Variants in COL27A1 observed in about 807,000 individuals in gnomAD.
The protein encoded by COL27A1 is collagen alpha-1(XXVII) chain.
Under a neutral mutation model 251.3 loss-of-function variants are expected in COL27A1, and 106 were observed. The ratio of observed to expected loss-of-function variants is 0.42; its 90% confidence interval spans 0.36 to 0.50. COL27A1 has a LOEUF of 0.50. Among genes scored for constraint, COL27A1 ranks in the 20% least tolerant of loss-of-function variants. COL27A1 has a pLI of 0.00. For synonymous variants in COL27A1, 1,000 were observed against 986.3 expected (o/e 1.01, Z -0.26); for missense variants, 2,325 against 2,522.8 (o/e 0.92, Z 1.68).
At chr9:114,293,565 G>T (rs1216319317) in intron 49 of COL27A1, among the ~76,000 whole-genome samples, 1 of 145,440 alleles carries the variant, frequency 6.9e-6, no homozygotes, top group Non-Finnish European at 1.5e-5. Context: ...AAAAAAAAAG[G>T]AAAATCAAAA....
intron 12 of COL27A1, among the ~76,000 whole-genome samples, chr9:114,217,552 C>T (rs531240578): frequency 6.6e-6 from 1 of 152,370 alleles, no homozygotes; most frequent in South Asian, 2.1e-4. Flanking sequence ...CACCTCCAAC[C>T]TGAGCAGGAC....
At chr9:114,176,064 C>T (rs1473671031) in intron 3 of COL27A1, among the ~76,000 whole-genome samples, 5 of 152,214 alleles carry the variant, frequency 3.3e-5, no homozygotes, top group Admixed American at 3.3e-4. Context: ...GGTAGGAGAA[C>T]AGGTCCAGTG....
intron 2 of COL27A1, among the ~76,000 whole-genome samples, chr9:114,165,061 G>C (rs985030557): frequency 3.3e-5 from 5 of 152,144 alleles, no homozygotes; most frequent in African/African-American, 1.2e-4. Flanking sequence ...ACTCAATGTG[G>C]GGCTTGGGTG....
intron 41 of COL27A1, among the ~76,000 whole-genome samples, chr9:114,287,366 G>A (rs576674298): frequency 2.8e-4 from 43 of 152,254 alleles, no homozygotes; most frequent in African/African-American, 8.7e-4. Flanking sequence ...GGAGTCTTCT[G>A]AGCCCTGAGA....
At position 114,311,382 on chromosome 9, in the gene COL27A1, A is replaced by T. The variant is rs1829436622; in HGVS notation, c.*687A>T. 6.6e-6 allele frequency: 1 copy of T among 151,720 alleles called. No homozygotes were observed. Among genetic ancestry groups the T allele is most frequent in the Admixed American group, 6.6e-5 (1 of 15,242 alleles). 9.4% of individuals were successfully genotyped at this position (151,720 alleles called of 1,614,324 possible). On this transcript the variant is annotated 3_prime_UTR_variant, in exon 61 of 61. Coordinates refer to ENST00000356083, the MANE Select transcript of COL27A1 (RefSeq NM_032888.4). ...CCCTATTTAAGATTCTGAAGGTGCTACCATTATTTTGCCACAGACTTTGAA... is the reference window on the plus strand; with the variant it reads ...CCCTATTTAAGATTCTGAAGGTGCTTCCATTATTTTGCCACAGACTTTGAA...
At chr9:114,243,428 G>A (rs1213122192) in intron 22 of COL27A1, 79 bp from the exon 23 acceptor site, 1 of 1,179,192 alleles carries the variant, frequency 8.5e-7, no homozygotes. Flanking sequence ...GATACCCTGT[G>A]CCAGGCCCTT....
chr9:114,277,127 G>T (rs1013319230), intron 37 of COL27A1, among the ~76,000 whole-genome samples: 1 of 152,122 alleles, frequency 6.6e-6, no homozygotes, highest in African/African-American at 2.4e-5. Context: ...TTTGAGTGTC[G>T]CAAATACTGG....
chr9:114,271,342 A>G (rs957659146), intron 36 of COL27A1: 3 of 155,960 alleles, frequency 1.9e-5, no homozygotes, highest in African/African-American at 7.2e-5. Flanking sequence ...CACATCCAGG[A>G]CCCAAATCTG....
rs754557093 is a variant in COL27A1, at chr9:114,242,259, G to A, written c.2880+28G>A. 12 of 1,597,566 alleles carry A rather than the reference G, an allele frequency of 7.5e-6. No individual in the cohort carries two copies. In the East Asian group the frequency reaches 2.3e-4, roughly 30 times the overall value. Reference sequence around the variant, plus strand: ...GAGTGTCACTGGCCTGGGGTAGGTGGCATTCATGGGAGCTGAGCCAGCTGT... The same window carrying A: ...GAGTGTCACTGGCCTGGGGTAGGTGACATTCATGGGAGCTGAGCCAGCTGT... On this transcript the variant is annotated intron_variant, in intron 22 of 60. Transcript: ENST00000356083.
At chr9:114,209,642 G>A in intron 10 of COL27A1, 33 bp from the exon 11 acceptor site, 3 of 1,612,380 alleles carry the variant, frequency 1.9e-6, no homozygotes, top group Non-Finnish European at 2.5e-6. Flanking sequence ...CTCACTGCTT[G>A]ACCGCTCTGA....
intron 10 of COL27A1, among the ~76,000 whole-genome samples, chr9:114,207,910 C>T (rs1452814353): frequency 6.6e-6 from 1 of 152,196 alleles, no homozygotes; most frequent in African/African-American, 2.4e-5. Context: ...TGGATGCCAA[C>T]GAGGAGGCTC....
Position 114,168,567 on chromosome 9 carries a change from C to T in COL27A1, c.1012C>T (p.Pro338Ser). The change falls in exon 3 of 61, where the codon CCA becomes TCA. Residue 338 changes from proline to serine, a missense_variant. Pro to Ser is a moderately conservative substitution (Grantham distance 74, BLOSUM62 -1). This residue lies in a region of COL27A1 where 1,183 missense variants were observed against 1,144.1 expected (regional missense o/e 1.03). Transcript: ENST00000356083. ...SASNALDPMLPASVGGSTRTP... is the reference protein window; with the variant it reads ...SASNALDPMLSASVGGSTRTP... ...CAGTAACGCACTTGATCCCATGCTC[C>T]CAGCCTCTGTTGGCGGCTCTACCAG... 1 of 1,614,154 alleles carries T rather than the reference C, an allele frequency of 6.2e-7. No individual in the cohort carries two copies. Among genetic ancestry groups the T allele is most frequent in the Non-Finnish European group, 8.5e-7 (1 of 1,179,992 alleles).
intron 35 of COL27A1, among the ~76,000 whole-genome samples, chr9:114,269,876 C>G (rs1377080401): frequency 1.3e-5 from 2 of 152,124 alleles, no homozygotes; most frequent in African/African-American, 4.8e-5. Context: ...ACCTGACGGC[C>G]CCTGAGGCCC....
chr9:114,243,447 T>C, intron 22 of COL27A1, 60 bp from the exon 23 acceptor site: 1 of 1,469,170 alleles, frequency 6.8e-7, no homozygotes, highest in Non-Finnish European at 9.5e-7. Context: ...TTGGAGCCCC[T>C]GGACCCCAGC....
Position 114,265,054 on chromosome 9 carries a change from A to G in COL27A1, c.3295-12A>G, listed in dbSNP as rs771281601. The G allele has an allele frequency of 3.7e-6, 6 of 1,606,228 alleles. No individual in the cohort carries two copies. The African/African-American group carries it at 5.4e-5, about 14-fold the overall frequency. The stretch of plus-strand genomic sequence containing the variant: ...GATCTGAGCCTGTAATGACCCCCAC[A>G]TGTGCTTCCAGGGTGTGGCTGGTGA... On this transcript the variant is annotated splice_polypyrimidine_tract_variant and intron_variant, in intron 30 of 60. Transcript: ENST00000356083.
chr9:114,264,326 G>A (rs148611858), intron 28 of COL27A1, 29 bp from the exon 29 acceptor site: 154 of 1,556,044 alleles, frequency 9.9e-5, no homozygotes, highest in African/African-American at 2.3e-4. Context: ...CCTGCTGTCC[G>A]GTGTGCTAGT....
intron 13 of COL27A1, 117 bp from the exon 14 acceptor site, chr9:114,222,106 T>G: frequency 1.2e-6 from 1 of 848,506 alleles, no homozygotes; most frequent in Non-Finnish European, 2.0e-6. Context: ...TGGTCAGGAA[T>G]AAGGAGTGTT....
chr9:114,270,919 T>C lies in COL27A1; in HGVS notation c.3609+138T>C, dbSNP rs1835094531. 1.2e-5 allele frequency: 9 copies of C among 723,018 alleles called. No homozygotes were observed. The East Asian group carries it at 2.0e-4, about 16-fold the overall frequency. 44.8% of individuals were successfully genotyped at this position (723,018 alleles called of 1,614,324 possible). A position where few individuals can be genotyped will look rare whatever the true frequency, so the allele number is the denominator to read the frequency against. Reference sequence around the variant, plus strand: ...AGCTCCAGCTCCCATTGACAGCAGCTTGGGGAAGGGTCAGCAGTGTCCAGC... The same window carrying C: ...AGCTCCAGCTCCCATTGACAGCAGCCTGGGGAAGGGTCAGCAGTGTCCAGC... On this transcript the variant is annotated intron_variant, in intron 36 of 60. Transcript: ENST00000356083.
chr9:114,211,301 T>C (rs1830346006), intron 12 of COL27A1, among the ~76,000 whole-genome samples: 1 of 152,200 alleles, frequency 6.6e-6, no homozygotes, highest in Non-Finnish European at 1.5e-5. Context: ...CAGTTCTGTG[T>C]CTGGGGGCTT....
Sources: gnomAD v4.1 joint callset for allele counts (sites outside exome capture counted in the v4.1 genomes callset) on GRCh38, gnomAD v4.1.1 for gene constraint, gnomAD v4.1.1 regional missense constraint, MANE v1.5 for transcripts, NCBI Gene and HGNC (gene_info 2026-07-23, HGNC 2026-07-21) for gene names.